Variants in RGL1 observed in about 807,000 individuals in gnomAD.
RGL1 encodes the protein ral guanine nucleotide dissociation stimulator like 1.
Under a neutral mutation model 95.2 loss-of-function variants are expected in RGL1, and 24 were observed. The ratio of observed to expected loss-of-function variants is 0.25; its 90% confidence interval spans 0.18 to 0.35. The LOEUF (loss-of-function observed/expected upper bound fraction) is 0.35, where lower values mean the gene tolerates loss of function less well. Among genes scored for constraint, RGL1 ranks in the 10% least tolerant of loss-of-function variants. RGL1 has a pLI of 1.00. For synonymous variants in RGL1, 329 were observed against 344.9 expected, an observed-to-expected ratio of 0.95 and a Z score of 0.51; for missense variants, 715 against 936.3, an observed-to-expected ratio of 0.76 and a Z score of 3.08.
chr1:183,829,665 G>GAATATCAA (rs2102483581), intron 2 of RGL1, among the ~76,000 whole-genome samples: 1 of 152,174 alleles, frequency 6.6e-6, no homozygotes, highest in African/African-American at 2.4e-5. Flanking sequence ...ATACTAAGTT[G>GAATATCAA]AGTATCAAAG....
chr1:183,685,085 T>G (rs559310869), intron 1 of RGL1, among the ~76,000 whole-genome samples: 4 of 152,252 alleles, frequency 2.6e-5, no homozygotes, highest in Non-Finnish European at 4.4e-5. Context: ...TATTTAAAAC[T>G]TTATCTTGAC....
chr1:183,644,493 A>G (rs1328921924), intron 1 of RGL1, among the ~76,000 whole-genome samples: 1 of 151,980 alleles, frequency 6.6e-6, no homozygotes, highest in African/African-American at 2.4e-5. Flanking sequence ...TGGTGTGATC[A>G]TGGCTCGCTG....
chr1:183,916,430 T>C lies in RGL1; in HGVS notation c.1750-17T>C. The C allele has an allele frequency of 6.2e-7, 1 of 1,612,804 alleles. No individual in the cohort carries two copies. Among genetic ancestry groups the C allele is most frequent in the Non-Finnish European group, 8.5e-7 (1 of 1,179,078 alleles). ...CGTTCTAATCTGTTTTCTTCTGGGG[T>C]GTGTTTACTCTTCCAGCTCTCTGAG... On this transcript the variant is annotated splice_polypyrimidine_tract_variant and intron_variant, in intron 15 of 17. Transcript: ENST00000360851.
intron 2 of RGL1, among the ~76,000 whole-genome samples, chr1:183,819,382 A>G (rs980309390): frequency 6.6e-6 from 1 of 152,178 alleles, no homozygotes; most frequent in African/African-American, 2.4e-5. Flanking sequence ...GAGACTTAAT[A>G]AGTGACATAA....
chr1:183,728,029 G>A (rs1356646057), intron 1 of RGL1, among the ~76,000 whole-genome samples: 3 of 152,088 alleles, frequency 2.0e-5, no homozygotes, highest in Non-Finnish European at 2.9e-5. Context: ...GTGTATATGG[G>A]CCTCATCTAA....
At chr1:183,888,370 G>C (rs1667236381) in intron 7 of RGL1, 104 bp from the exon 8 acceptor site, 2 of 706,772 alleles carry the variant, frequency 2.8e-6, no homozygotes, top group Non-Finnish European at 5.0e-6. Flanking sequence ...CTATTTTGTG[G>C]TAAGAATTCA....
At chr1:183,648,757 G>A (rs1650503570) in intron 1 of RGL1, 1 of 1,609,782 alleles carries the variant, frequency 6.2e-7, no homozygotes, top group East Asian at 2.2e-5. Flanking sequence ...TGATTTGCTA[G>A]GTACTCCTCA....
chr1:183,670,297 C>G (rs1572253651), intron 1 of RGL1, among the ~76,000 whole-genome samples: 1 of 152,288 alleles, frequency 6.6e-6, no homozygotes, highest in East Asian at 1.9e-4. Context: ...TGATCAAACC[C>G]CAGTAGGCTC....
intron 1 of RGL1, among the ~76,000 whole-genome samples, chr1:183,679,109 G>T (rs1465048338): frequency 6.6e-6 from 1 of 152,188 alleles, no homozygotes; most frequent in African/African-American, 2.4e-5. Flanking sequence ...AGATGTGAGG[G>T]TCAGGTTGCT....
intron 1 of RGL1, among the ~76,000 whole-genome samples, chr1:183,731,877 G>A (rs932498983): frequency 1.3e-5 from 2 of 152,000 alleles, no homozygotes; most frequent in African/African-American, 4.8e-5. Flanking sequence ...CTTCTCATAC[G>A]ATTGTAGACT....
intron 2 of RGL1, among the ~76,000 whole-genome samples, chr1:183,834,468 T>C (rs1388181329): frequency 6.6e-6 from 1 of 152,166 alleles, no homozygotes; most frequent in Non-Finnish European, 1.5e-5. Context: ...CAACTCCCTC[T>C]GTGAGGCTCC....
intron 1 of RGL1, among the ~76,000 whole-genome samples, chr1:183,665,305 G>T (rs909995850): frequency 6.6e-6 from 1 of 152,110 alleles, no homozygotes; most frequent in African/African-American, 2.4e-5. Flanking sequence ...TACTTTCGTT[G>T]AGAATTTTCA....
chr1:183,883,906 A>T lies in RGL1; in HGVS notation c.731A>T (p.Asp244Val). ...DLVAEQLTYMDAQLFKKVVPH... is the reference protein window; with the variant it reads ...DLVAEQLTYMVAQLFKKVVPH... ...GTGGCAGAGCAGCTGACCTACATGG[A>T]TGCAGTATGTCTTCTCTTTGTGATC... Residue 244 changes from aspartate (D) to valine (V), a missense_variant, in exon 6 of 18, where the codon GAT becomes GTT. Transcript: ENST00000360851. 1 of 1,613,892 alleles carries T rather than the reference A, an allele frequency of 6.2e-7. No individual in the cohort carries two copies. Among genetic ancestry groups the T allele is most frequent in the Non-Finnish European group, 8.5e-7 (1 of 1,179,814 alleles).
chr1:183,829,884 A>T (rs1663143563), intron 2 of RGL1, among the ~76,000 whole-genome samples: 1 of 152,128 alleles, frequency 6.6e-6, no homozygotes, highest in African/African-American at 2.4e-5. Flanking sequence ...TATATCTAAG[A>T]CAAAACCTGA....
chr1:183,785,560 C>T (rs1306596972), intron 2 of RGL1, among the ~76,000 whole-genome samples: 2 of 152,088 alleles, frequency 1.3e-5, no homozygotes, highest in Admixed American at 1.3e-4. Context: ...AATAGGAACT[C>T]TGTATTGATC....
At position 183,865,990 on chromosome 1, in the gene RGL1, C is replaced by T; in HGVS notation, c.348-6C>T. On this transcript the variant is annotated splice_polypyrimidine_tract_variant and splice_region_variant and intron_variant, in intron 3 of 17. Coordinates refer to ENST00000360851, the MANE Select transcript of RGL1 (RefSeq NM_001297671.3). ...TTTGCTTGCTTGTTCATTATTATCT[C>T]TACAGGTATGGAAACCTGACAAGCC... 1 of 1,609,880 alleles carries T rather than the reference C, an allele frequency of 6.2e-7. No homozygotes were observed. The highest frequency in any genetic ancestry group is 8.5e-7 in the Non-Finnish European group (1 of 1,176,230).
At chr1:183,708,302 G>T (rs566048407) in intron 1 of RGL1, among the ~76,000 whole-genome samples, 1 of 152,120 alleles carries the variant, frequency 6.6e-6, no homozygotes, top group African/African-American at 2.4e-5. Flanking sequence ...GGAGGGAGAT[G>T]ATAAAAGGAG....
Position 183,695,266 on chromosome 1 carries a change from T to C in RGL1, c.-32-46860T>C, listed in dbSNP as rs527388176. Among the ~76,000 whole-genome samples the C allele has an allele frequency of 3.9e-5, 6 of 152,368 alleles. No individual in the cohort carries two copies. The South Asian group carries it at 1.0e-3, about 26-fold the overall frequency. On this transcript the variant is annotated intron_variant, in intron 1 of 18. Coordinates refer to the RGL1 transcript ENST00000304685. The stretch of plus-strand genomic sequence containing the variant: ...CCTTCTATTATTTTAGATTCTTTTT[T>C]GTTCCATTCACCTAAGTCAGCTGGG...
intron 1 of RGL1, among the ~76,000 whole-genome samples, chr1:183,664,355 G>A (rs76070988): frequency 0.069 from 10,454 of 151,922 alleles, 627 homozygotes; most frequent in African/African-American, 0.16. Flanking sequence ...TGTTCTTTAC[G>A]GTTTTCTTCA....
Sources: gnomAD v4.1 joint callset for allele counts (sites outside exome capture counted in the v4.1 genomes callset) on GRCh38, gnomAD v4.1.1 for gene constraint, MANE v1.5 for transcripts, NCBI Gene and HGNC (gene_info 2026-07-23, HGNC 2026-07-21) for gene names.